Variants in NTF3 observed in about 807,000 individuals in gnomAD.
NTF3 encodes the protein neurotrophin 3, also known as neurotrophin-3.
In NTF3, 8 loss-of-function variants were observed where a neutral mutation model predicts 26.3. That is an observed-to-expected ratio of 0.30 (90% CI 0.18 to 0.55). The LOEUF (loss-of-function observed/expected upper bound fraction) is 0.55, where lower values mean the gene tolerates loss of function less well. NTF3 is among the 20% of genes least tolerant of loss of function. The pLI, the probability that NTF3 is intolerant of heterozygous loss-of-function variation, is 0.93. For synonymous variants in NTF3, 154 were observed against 145.5 expected (o/e 1.06, Z -0.42); for missense variants, 276 against 352.9 (o/e 0.78, Z 1.75).
rs531438589 is a variant in NTF3 at position 5,433,640 on chromosome 12, A to C, written c.18+1298A>C. 6.6e-6 allele frequency among the ~76,000 whole-genome samples: 1 copy of C among 152,256 alleles called. No individual in the cohort carries two copies. Among genetic ancestry groups the C allele is most frequent in the Non-Finnish European group, 1.5e-5 (1 of 68,018 alleles). On this transcript the variant is annotated intron_variant, in intron 1 of 1. Transcript: ENST00000423158. The surrounding 1 kb of genome is among the most constrained non-coding windows in gnomAD (Gnocchi z 4.6). Reference sequence around the variant, plus strand: ...ACGGTGTCGGGGCTGTGGACTAGAAAGGATCCCTTTTGCTGGAATCGAGGC... The same window carrying C: ...ACGGTGTCGGGGCTGTGGACTAGAACGGATCCCTTTTGCTGGAATCGAGGC...
chr12:5,457,960 C>G (rs572890274), intron 1 of NTF3, among the ~76,000 whole-genome samples: 5 of 152,292 alleles, frequency 3.3e-5, no homozygotes, highest in African/African-American at 9.6e-5. Context: ...ACTGCCGCTA[C>G]GCTAATCAAA....
intron 1 of NTF3, among the ~76,000 whole-genome samples, chr12:5,482,898 CTG>C (rs1466100072): frequency 1.4e-5 from 2 of 145,010 alleles, no homozygotes; most frequent in African/African-American, 2.5e-5. Flanking sequence ...GTTTTTTTTT[CTG>C]TCTTTCTGCA....
intron 1 of NTF3, among the ~76,000 whole-genome samples, chr12:5,455,464 G>C (rs1334709023): frequency 6.6e-6 from 1 of 150,870 alleles, no homozygotes; most frequent in Non-Finnish European, 1.5e-5. Flanking sequence ...GCCTCCCCTT[G>C]GACTCCAGGA....
Position 5,495,111 on chromosome 12 carries a change from C to A in NTF3, c.*123C>A. On this transcript the variant is annotated 3_prime_UTR_variant, in exon 2 of 2. Transcript: ENST00000423158. ...CCTTTATTTATTAAACTTCAGCAAC[C>A]CTACAGTATATAAGCTTTTTTCTCA... 9.4e-7 allele frequency: 1 copy of A among 1,061,338 alleles called. No individual in the cohort carries two copies. The highest frequency in any genetic ancestry group is 1.4e-6 in the Non-Finnish European group (1 of 737,570). 65.7% of individuals were successfully genotyped at this position (1,061,338 alleles called of 1,614,324 possible). A position where few individuals can be genotyped will look rare whatever the true frequency, so the allele number is the denominator to read the frequency against.
intron 1 of NTF3, among the ~76,000 whole-genome samples, chr12:5,464,612 G>A (rs1348395728): frequency 6.6e-6 from 1 of 152,150 alleles, no homozygotes; most frequent in Non-Finnish European, 1.5e-5. Flanking sequence ...AGCCTGGGTG[G>A]GGCCTGAGAA....
At chr12:5,493,864 C>G (rs767688262) in intron 1 of NTF3, among the ~76,000 whole-genome samples, 2 of 152,142 alleles carry the variant, frequency 1.3e-5, no homozygotes, top group African/African-American at 4.8e-5. Flanking sequence ...GTGAACCATG[C>G]GTCTTTGCAG....
chr12:5,465,754 T>C (rs1326813753), intron 1 of NTF3, among the ~76,000 whole-genome samples: 2 of 152,228 alleles, frequency 1.3e-5, no homozygotes, highest in Non-Finnish European at 2.9e-5. Flanking sequence ...CTGGTGGAAC[T>C]GGATCCTTTG....
chr12:5,446,940 G>A (rs1050183714), intron 1 of NTF3, among the ~76,000 whole-genome samples: 1 of 152,202 alleles, frequency 6.6e-6, no homozygotes, highest in South Asian at 2.1e-4. Context: ...AGCAGGCCAG[G>A]TAGTGAGACA....
chr12:5,448,448 C>T (rs1307838675), intron 1 of NTF3, among the ~76,000 whole-genome samples: 3 of 152,166 alleles, frequency 2.0e-5, no homozygotes, highest in Non-Finnish European at 4.4e-5. Flanking sequence ...TCGGATGTGG[C>T]TTCCGTGCTT....
chr12:5,470,909 T>G (rs1211993815), intron 1 of NTF3, among the ~76,000 whole-genome samples: 1 of 152,200 alleles, frequency 6.6e-6, no homozygotes, highest in Non-Finnish European at 1.5e-5. Context: ...TTGAAATACA[T>G]ATGTATGTCT....
At chr12:5,439,569 C>A (rs1378594020) in intron 1 of NTF3, among the ~76,000 whole-genome samples, 1 of 152,232 alleles carries the variant, frequency 6.6e-6, no homozygotes, top group African/African-American at 2.4e-5. Context: ...AAGCATGTGT[C>A]AGATCTGTCT....
chr12:5,467,793 A>G (rs1225620599), intron 1 of NTF3, among the ~76,000 whole-genome samples: 1 of 152,182 alleles, frequency 6.6e-6, no homozygotes, highest in Admixed American at 6.5e-5. Context: ...ATTTCAAAAC[A>G]CATACATGGG....
rs1940123020 is a variant in NTF3 at position 5,433,311 on chromosome 12, G to A, written c.18+969G>A. On this transcript the variant is annotated intron_variant, in intron 1 of 1. Transcript: ENST00000423158. This position sits in a 1 kb window ranked among gnomAD's most constrained non-coding sequence, Gnocchi z 4.6. ...GGTGGCGTGGGAGGCCGGGAGACCT[G>A]GGCACCCGCGCAGCCAGCCAGGTCG... 1 of 152,538 alleles carries A rather than the reference G, an allele frequency of 6.6e-6. No individual in the cohort carries two copies. The highest frequency in any genetic ancestry group is 2.4e-5 in the African/African-American group (1 of 41,470). 9.4% of individuals were successfully genotyped at this position (152,538 alleles called of 1,614,324 possible). A position where few individuals can be genotyped will look rare whatever the true frequency, so the allele number is the denominator to read the frequency against.
At chr12:5,473,468 C>G (rs1266918332) in intron 1 of NTF3, among the ~76,000 whole-genome samples, 1 of 152,244 alleles carries the variant, frequency 6.6e-6, no homozygotes, top group Admixed American at 6.5e-5. Context: ...CTAGTTTTTA[C>G]AAGTCCCCTG....
chr12:5,435,258 T>A (rs1021812795), intron 1 of NTF3, among the ~76,000 whole-genome samples: 1 of 152,226 alleles, frequency 6.6e-6, no homozygotes, highest in Non-Finnish European at 1.5e-5. Flanking sequence ...ATATTGATAA[T>A]CAATTAAAGC....
intron 1 of NTF3, among the ~76,000 whole-genome samples, chr12:5,458,348 A>G (rs778469921): frequency 6.6e-6 from 1 of 152,038 alleles, no homozygotes; most frequent in Non-Finnish European, 1.5e-5. Flanking sequence ...GGGGCTCCCT[A>G]TCACACACTC....
chr12:5,493,929 C>T lies in NTF3; in HGVS notation c.19-265C>T, dbSNP rs531770675. Among the ~76,000 whole-genome samples the T allele has an allele frequency of 2.6e-4, 40 of 152,092 alleles. No homozygotes were observed. The South Asian group carries it at 5.8e-3, about 22-fold the overall frequency. ...ACATCGTCCACCCACAAGCAGAGAC[C>T]GCAGGATAAAGCAGACATCCAATGT... On this transcript the variant is annotated intron_variant, in intron 1 of 1. Coordinates refer to ENST00000423158, the MANE Select transcript of NTF3 (RefSeq NM_001102654.2).
intron 1 of NTF3, among the ~76,000 whole-genome samples, chr12:5,448,041 G>T (rs11063683): frequency 0.13 from 19,306 of 152,184 alleles, 1,518 homozygotes; most frequent in East Asian, 0.35. Context: ...TGCCAACCCA[G>T]TCCCCTACTT....
At chr12:5,457,538 T>A (rs564053355) in intron 1 of NTF3, among the ~76,000 whole-genome samples, 1 of 152,288 alleles carries the variant, frequency 6.6e-6, no homozygotes, top group East Asian at 1.9e-4. Context: ...CTTTTGCTCC[T>A]TTATCTGACC....
Sources: allele counts gnomAD v4.1 joint callset (sites outside exome capture counted in the v4.1 genomes callset), GRCh38; gene constraint gnomAD v4.1.1; non-coding constraint Gnocchi (gnomAD v3.1); transcripts MANE v1.5; gene names NCBI Gene and HGNC (gene_info 2026-07-23, HGNC 2026-07-21).